The following RICTOR variants were observed in gnomAD, a reference collection of about 807,000 sequenced individuals.
RICTOR encodes rapamycin-insensitive companion of mTOR.
RICTOR carries 49 observed loss-of-function variants against 214.9 expected under a neutral mutation model. That is an observed-to-expected ratio of 0.23 (90% CI 0.18 to 0.29). RICTOR has a LOEUF of 0.29. Among genes scored for constraint, RICTOR ranks in the 10% least tolerant of loss-of-function variants. The pLI, the probability that RICTOR is intolerant of heterozygous loss-of-function variation, is 1.00. For synonymous variants in RICTOR, 717 were observed against 711.3 expected, an observed-to-expected ratio of 1.01 and a Z score of -0.13; for missense variants, 1,625 against 2,047.0, an observed-to-expected ratio of 0.79 and a Z score of 3.98.
chr5:38,992,551 AATG>A (rs1182811464), intron 6 of RICTOR, among the ~76,000 whole-genome samples: 1 of 152,166 alleles, frequency 6.6e-6, no homozygotes, highest in African/African-American at 2.4e-5. Flanking sequence ...TCATTTGTAA[AATG>A]AAGATATGTA....
chr5:39,049,886 C>CAAGA (rs1757732466), intron 2 of RICTOR, among the ~76,000 whole-genome samples: 1 of 151,864 alleles, frequency 6.6e-6, no homozygotes, highest in Admixed American at 6.6e-5. Context: ...GTTTAACAAC[C>CAAGA]AAGAAAGATA....
intron 8 of RICTOR, among the ~76,000 whole-genome samples, chr5:38,979,198 T>C (rs886864958): frequency 2.0e-5 from 3 of 152,088 alleles, no homozygotes; most frequent in African/African-American, 7.2e-5. Flanking sequence ...CAGACTAAGG[T>C]GTAGTGAGTG....
At chr5:39,015,280 G>A (rs1025261389) in intron 3 of RICTOR, among the ~76,000 whole-genome samples, 1 of 151,524 alleles carries the variant, frequency 6.6e-6, no homozygotes, top group Non-Finnish European at 1.5e-5. Flanking sequence ...TACTCAATAA[G>A]CAAATGAATG....
In RICTOR at chr5:38,994,077, C is replaced by G. The variant is rs184788663; in HGVS notation, c.456+2742G>C. Among the ~76,000 whole-genome samples the G allele has an allele frequency of 7.3e-3, 1,113 of 151,982 alleles. 6 individuals are homozygous for G. Among genetic ancestry groups the G allele is most frequent in the South Asian group, 0.025 (119 of 4,810 alleles). ...TGGTGGCGGGTGCCTGTAGTCCCAG[C>G]TACTGGGGAGGCTGAGGCAGGAGAA... On this transcript the variant is annotated intron_variant, in intron 6 of 37. Coordinates refer to ENST00000357387, the MANE Select transcript of RICTOR (RefSeq NM_152756.5).
rs1757687809 is a variant in RICTOR, at chr5:39,049,197, A to AC, written c.97+24913dup. On this transcript the variant is annotated intron_variant, in intron 2 of 37. Transcript: ENST00000357387. Reference sequence around the variant, plus strand: ...AACTCATCCAACCAACCAGATAACCACCCTTAGCCTGGGTAACCTAACAAA... The same window carrying AC: ...AACTCATCCAACCAACCAGATAACCACCCCTTAGCCTGGGTAACCTAACAAA... Among the ~76,000 whole-genome samples, 7 of 152,062 alleles carry AC rather than the reference A, an allele frequency of 4.6e-5. 1 individual carries two copies. The South Asian group carries it at 1.5e-3, about 32-fold the overall frequency.
intron 2 of RICTOR, among the ~76,000 whole-genome samples, chr5:39,036,557 G>A (rs887562365): frequency 1.3e-4 from 20 of 152,246 alleles, no homozygotes; most frequent in African/African-American, 4.6e-4. Context: ...TCAGTGTGCT[G>A]TATTCAGGAA....
At chr5:39,044,363 C>T (rs576423708) in intron 2 of RICTOR, among the ~76,000 whole-genome samples, 1 of 152,248 alleles carries the variant, frequency 6.6e-6, no homozygotes, top group South Asian at 2.1e-4. Flanking sequence ...GACTATGCTT[C>T]TTAAATTGAC....
At chr5:38,977,588 AC>A (rs1246500352) in intron 9 of RICTOR, among the ~76,000 whole-genome samples, 1 of 135,028 alleles carries the variant, frequency 7.4e-6, no homozygotes, top group Non-Finnish European at 1.5e-5. Flanking sequence ...AAGGTATGAA[AC>A]CACTTTTTTT....
rs1328670428 is a variant in RICTOR at position 38,940,131 on chromosome 5, AAAAAAAAAAAAC to A, written c.*2161_*2172del. 18 of 156,940 alleles carry A rather than the reference AAAAAAAAAAAAC, an allele frequency of 1.1e-4. No homozygotes were observed. Among genetic ancestry groups the A allele is most frequent in the Admixed American group, 8.7e-4 (11 of 12,712 alleles). 9.7% of individuals were successfully genotyped at this position (156,940 alleles called of 1,614,324 possible). ...CATACATATTTTTCAAAGTAACAGTAAAAAAAAAAAACAAAAAAAAAAACACAAAACATTCAG... is the reference window on the plus strand; with the variant it reads ...CATACATATTTTTCAAAGTAACAGTAAAAAAAAAAAACACAAAACATTCAG... On this transcript the variant is annotated 3_prime_UTR_variant, in exon 38 of 38. Transcript: ENST00000357387.
intron 2 of RICTOR, among the ~76,000 whole-genome samples, chr5:39,040,941 G>T (rs185051112): frequency 1.3e-4 from 20 of 152,252 alleles, no homozygotes; most frequent in African/African-American, 4.3e-4. Context: ...TAATATAATA[G>T]ACAGGTAGGT....
intron 3 of RICTOR, among the ~76,000 whole-genome samples, chr5:39,010,158 A>C (rs1462387107): frequency 3.9e-5 from 6 of 152,090 alleles, no homozygotes; most frequent in Non-Finnish European, 5.9e-5. Context: ...GAACACACCC[A>C]ATCTCGTCTG....
intron 21 of RICTOR, 64 bp from the exon 22 acceptor site, chr5:38,959,385 A>C: frequency 1.1e-6 from 1 of 937,744 alleles, no homozygotes. Flanking sequence ...TTAATTAAAC[A>C]AATATTTTTT....
intron 12 of RICTOR, 37 bp from the exon 13 acceptor site, chr5:38,967,464 T>A (rs1411639930): frequency 7.0e-7 from 1 of 1,418,846 alleles, no homozygotes; most frequent in East Asian, 2.3e-5. Flanking sequence ...AAAGATTAGA[T>A]ATCACTGAAA....
chr5:38,960,062 T>G (rs1749658081), intron 20 of RICTOR, 84 bp from the exon 21 acceptor site: 3 of 947,634 alleles, frequency 3.2e-6, no homozygotes, highest in Non-Finnish European at 5.1e-6. Flanking sequence ...GTACAAAAAC[T>G]TACTAATAAT....
intron 2 of RICTOR, among the ~76,000 whole-genome samples, chr5:39,037,021 TCAG>T (rs1756764286): frequency 6.6e-6 from 1 of 152,198 alleles, no homozygotes; most frequent in African/African-American, 2.4e-5. Context: ...TACATTCTTT[TCAG>T]CACCACACCA....
At chr5:38,991,924 T>C (rs1752805548) in intron 6 of RICTOR, among the ~76,000 whole-genome samples, 1 of 152,104 alleles carries the variant, frequency 6.6e-6, no homozygotes, top group Non-Finnish European at 1.5e-5. Flanking sequence ...AATAAAATAT[T>C]AGAGAAAATT....
chr5:39,020,007 G>A (rs900620810), intron 3 of RICTOR, among the ~76,000 whole-genome samples: 1 of 152,204 alleles, frequency 6.6e-6, no homozygotes. Flanking sequence ...GGTGTCAGTG[G>A]AGGGAGTCAT....
rs550930805 is a variant in RICTOR at position 38,999,945 on chromosome 5, C to T, written c.392+2590G>A. On this transcript the variant is annotated intron_variant, in intron 5 of 37. Coordinates refer to ENST00000357387, the MANE Select transcript of RICTOR (RefSeq NM_152756.5). ...GGATGGTAAAAGGTATACCATGCAA[C>T]CACTAGGCAAAAGAAAGGTGGTAAT... Among the ~76,000 whole-genome samples, 16 of 151,854 alleles carry T rather than the reference C, an allele frequency of 1.1e-4. No individual in the cohort carries two copies. In the South Asian group the frequency reaches 3.3e-3, roughly 32 times the overall value.
Position 38,953,457 on chromosome 5 carries a change from A to C in RICTOR, c.2790+4T>G. ...AAGATCTTACAGAAGTGTTTATTACAAACCAAGGCCCAAAGAGATGCTTTC... is the reference window on the plus strand; with the variant it reads ...AAGATCTTACAGAAGTGTTTATTACCAACCAAGGCCCAAAGAGATGCTTTC... On this transcript the variant is annotated splice_donor_region_variant and intron_variant, in intron 28 of 37. Transcript: ENST00000357387. 1 of 1,386,118 alleles carries C rather than the reference A, an allele frequency of 7.2e-7. No individual in the cohort carries two copies. The highest frequency in any genetic ancestry group is 9.7e-7 in the Non-Finnish European group (1 of 1,028,834). The allele number at this position is 1,386,118 out of a possible 1,614,324, so 85.9% of individuals were successfully genotyped here.
Sources: gnomAD v4.1 joint callset for allele counts (sites outside exome capture counted in the v4.1 genomes callset) on GRCh38, gnomAD v4.1.1 for gene constraint, MANE v1.5 for transcripts, NCBI Gene and HGNC (gene_info 2026-07-23, HGNC 2026-07-21) for gene names.